Variants in KIAA1217 observed in about 807,000 individuals in gnomAD.
KIAA1217 encodes sickle tail protein homolog.
KIAA1217 carries 88 observed loss-of-function variants against 163.9 expected under a neutral mutation model. The observed-to-expected ratio is 0.54, with a 90% CI of 0.45 to 0.64. KIAA1217 has a LOEUF of 0.64. Ranked by LOEUF, KIAA1217 falls within the 30% of genes least tolerant of loss-of-function variation. KIAA1217 has a pLI of 0.00. For missense variants in KIAA1217, 2,372 were observed against 2,475.0 expected, an observed-to-expected ratio of 0.96 and a Z score of 0.88; for synonymous variants, 903 against 923.1, an observed-to-expected ratio of 0.98 and a Z score of 0.39.
intron 2 of KIAA1217, among the ~76,000 whole-genome samples, chr10:24,188,739 T>C (rs1487767272): frequency 1.3e-5 from 2 of 152,176 alleles, no homozygotes; most frequent in African/African-American, 4.8e-5. Context: ...AGTTCATTCC[T>C]CCCAACATGG....
intron 1 of KIAA1217, among the ~76,000 whole-genome samples, chr10:23,918,726 A>AT (rs1190381373): frequency 8.6e-6 from 1 of 116,292 alleles, no homozygotes; most frequent in Non-Finnish European, 1.6e-5. Flanking sequence ...TTTAAGAATT[A>AT]AATATATACA....
chr10:23,908,638 CCT>C (rs1242769180), intron 1 of KIAA1217, among the ~76,000 whole-genome samples: 1 of 152,118 alleles, frequency 6.6e-6, no homozygotes, highest in African/African-American at 2.4e-5. Context: ...GGACATCTCC[CCT>C]GAGTGATGTC....
intron 1 of KIAA1217, among the ~76,000 whole-genome samples, chr10:23,849,845 C>G (rs899265184): frequency 1.3e-5 from 2 of 151,918 alleles, no homozygotes; most frequent in Non-Finnish European, 2.9e-5. Flanking sequence ...CCAATGTGAC[C>G]GTCTTTGATT....
At chr10:24,350,748 AGATT>A (rs963790229) in intron 2 of KIAA1217, among the ~76,000 whole-genome samples, 2 of 151,992 alleles carry the variant, frequency 1.3e-5, no homozygotes, top group African/African-American at 4.8e-5. Context: ...TTCATAAAAC[AGATT>A]GATCCTAAAC....
chr10:24,220,816 A>C (rs1414657674), intron 2 of KIAA1217, among the ~76,000 whole-genome samples: 1 of 135,076 alleles, frequency 7.4e-6, no homozygotes, highest in Non-Finnish European at 1.5e-5. Flanking sequence ...GCTGGAGTGC[A>C]GTAGTGCCAT....
intron 3 of KIAA1217, among the ~76,000 whole-genome samples, chr10:24,412,205 A>G (rs2057847511): frequency 6.6e-6 from 1 of 151,986 alleles, no homozygotes; most frequent in African/African-American, 2.4e-5. Flanking sequence ...AGAAATCTGA[A>G]TCTTCTAAAA....
intron 2 of KIAA1217, among the ~76,000 whole-genome samples, chr10:24,296,083 T>G (rs1351247730): frequency 1.3e-5 from 2 of 152,120 alleles, no homozygotes; most frequent in Non-Finnish European, 1.5e-5. Context: ...CTCAGATATG[T>G]GGGATCAGAA....
intron 13 of KIAA1217, among the ~76,000 whole-genome samples, chr10:24,526,050 G>A (rs1465102486): frequency 6.6e-6 from 1 of 152,146 alleles, no homozygotes; most frequent in South Asian, 2.1e-4. Flanking sequence ...TCAAGGGCTG[G>A]TACCAGTGCT....
At chr10:23,902,020 G>A (rs771351578) in intron 1 of KIAA1217, among the ~76,000 whole-genome samples, 1 of 151,890 alleles carries the variant, frequency 6.6e-6, no homozygotes, top group African/African-American at 2.4e-5. Context: ...AGAACTTCAG[G>A]CAAATAATAC....
intron 1 of KIAA1217, among the ~76,000 whole-genome samples, chr10:23,730,183 G>A (rs1307292910): frequency 6.6e-6 from 1 of 152,124 alleles, no homozygotes; most frequent in Non-Finnish European, 1.5e-5. Context: ...TTACAGGCGT[G>A]AGCCACCATG....
chr10:24,182,012 C>T (rs188563195), intron 2 of KIAA1217, among the ~76,000 whole-genome samples: 33 of 152,250 alleles, frequency 2.2e-4, no homozygotes, highest in Admixed American at 1.6e-3. Flanking sequence ...TAGATGAGCA[C>T]GAGTGGGATC....
At chr10:24,369,179 A>ATGTATGTGTG in intron 2 of KIAA1217, among the ~76,000 whole-genome samples, 1 of 139,638 alleles carries the variant, frequency 7.2e-6, no homozygotes, top group Non-Finnish European at 1.5e-5. Context: ...AACTTTCACT[A>ATGTATGTGTG]TGTGTGTGTG....
At chr10:23,887,815 G>T (rs1841248402) in intron 1 of KIAA1217, among the ~76,000 whole-genome samples, 1 of 151,792 alleles carries the variant, frequency 6.6e-6, no homozygotes, top group South Asian at 2.1e-4. Flanking sequence ...CACCCCCAGA[G>T]AACCTGAAAT....
intron 1 of KIAA1217, among the ~76,000 whole-genome samples, chr10:24,003,331 T>C (rs1846838693): frequency 6.6e-6 from 1 of 152,206 alleles, no homozygotes; most frequent in Non-Finnish European, 1.5e-5. Flanking sequence ...ATTTTTTGAT[T>C]TTTTAATTAT....
intron 2 of KIAA1217, among the ~76,000 whole-genome samples, chr10:24,097,687 A>G (rs1350235260): frequency 6.6e-6 from 1 of 152,252 alleles, no homozygotes. Context: ...TGTCACGGTG[A>G]TGGAGAGACT....
chr10:24,066,574 CA>C (rs1294299246), intron 2 of KIAA1217, among the ~76,000 whole-genome samples: 1 of 152,160 alleles, frequency 6.6e-6, no homozygotes, highest in Non-Finnish European at 1.5e-5. Context: ...CTGCCCTTAA[CA>C]TTTTTTCCTT....
chr10:24,169,152 ATCT>A (rs2065496561), intron 2 of KIAA1217, among the ~76,000 whole-genome samples: 2 of 152,220 alleles, frequency 1.3e-5, no homozygotes, highest in African/African-American at 4.8e-5. Flanking sequence ...CCCAATGTTG[ATCT>A]TCATTTATTA....
At chr10:23,741,697 T>A (rs1177830152) in intron 1 of KIAA1217, among the ~76,000 whole-genome samples, 2 of 151,918 alleles carry the variant, frequency 1.3e-5, no homozygotes, top group African/African-American at 4.8e-5. Context: ...GGTATACGAG[T>A]TGGTGAAAGT....
At chr10:23,815,622 C>T (rs1030628398) in intron 1 of KIAA1217, among the ~76,000 whole-genome samples, 9 of 152,042 alleles carry the variant, frequency 5.9e-5, no homozygotes, top group African/African-American at 1.7e-4. Flanking sequence ...CCAGCCTGGG[C>T]GACAGAGCAA....
Sources: gnomAD v4.1 joint callset for allele counts (sites outside exome capture counted in the v4.1 genomes callset) on GRCh38, gnomAD v4.1.1 for gene constraint, MANE v1.5 for transcripts, NCBI Gene and HGNC (gene_info 2026-07-23, HGNC 2026-07-21) for gene names.